The following TNKS variants were observed in gnomAD, a reference collection of about 807,000 sequenced individuals.
TNKS encodes the protein poly [ADP-ribose] polymerase tankyrase-1.
In TNKS, 72 loss-of-function variants were observed where a neutral mutation model predicts 135.8. The ratio of observed to expected loss-of-function variants is 0.53; its 90% confidence interval spans 0.44 to 0.64. The LOEUF is 0.64. TNKS is among the 30% of genes least tolerant of loss of function. The probability of loss-of-function intolerance (pLI) is 0.00; values close to 1 mark genes in which losing one functional copy is unlikely to be tolerated. For missense variants in TNKS, 1,769 were observed against 1,674.0 expected (o/e 1.06, Z -0.99); for synonymous variants, 849 against 649.3 (o/e 1.31, Z -4.68).
chr8:9,565,172 T>A (rs561048942), intron 1 of TNKS, among the ~76,000 whole-genome samples: 9 of 152,218 alleles, frequency 5.9e-5, no homozygotes, highest in Admixed American at 1.3e-4. Flanking sequence ...TTTGCCAGTT[T>A]GTTCAGGTAT....
At chr8:9,665,806 C>G (rs904792568) in intron 3 of TNKS, among the ~76,000 whole-genome samples, 2 of 152,138 alleles carry the variant, frequency 1.3e-5, no homozygotes, top group African/African-American at 4.8e-5. Context: ...TGCACCTTTA[C>G]AAGCCCTAGA....
chr8:9,645,962 C>G (rs768623840), intron 3 of TNKS, among the ~76,000 whole-genome samples: 2 of 152,172 alleles, frequency 1.3e-5, no homozygotes, highest in Admixed American at 6.5e-5. Context: ...CGTTTACTTA[C>G]TATTTCTCCA....
At chr8:9,578,199 C>G (rs1468353971) in intron 1 of TNKS, among the ~76,000 whole-genome samples, 1 of 152,192 alleles carries the variant, frequency 6.6e-6, no homozygotes, top group Non-Finnish European at 1.5e-5. Context: ...AGTTTGCACT[C>G]AGGCTTTATT....
chr8:9,603,330 C>G (rs750490432), intron 2 of TNKS, among the ~76,000 whole-genome samples: 2 of 138,970 alleles, frequency 1.4e-5, no homozygotes, highest in South Asian at 4.6e-4. Flanking sequence ...GCTGGGATTA[C>G]AGGCATGAGC....
intron 3 of TNKS, among the ~76,000 whole-genome samples, chr8:9,649,925 T>C (rs1427280768): frequency 8.1e-6 from 1 of 123,894 alleles, no homozygotes; most frequent in African/African-American, 3.1e-5. Flanking sequence ...AGCCTCACTC[T>C]GTTGTCCAGG....
At chr8:9,754,175 C>T (rs1806709378) in intron 20 of TNKS, among the ~76,000 whole-genome samples, 1 of 152,180 alleles carries the variant, frequency 6.6e-6, no homozygotes, top group African/African-American at 2.4e-5. Context: ...GTGACATTCA[C>T]AGGTTCTGGG....
At chr8:9,714,668 G>C (rs1804514098) in intron 11 of TNKS, among the ~76,000 whole-genome samples, 1 of 152,144 alleles carries the variant, frequency 6.6e-6, no homozygotes, top group South Asian at 2.1e-4. Context: ...TAGTAATGAA[G>C]AAGGAAGAGG....
intron 3 of TNKS, among the ~76,000 whole-genome samples, chr8:9,671,743 T>C (rs954435875): frequency 6.6e-6 from 1 of 152,210 alleles, no homozygotes; most frequent in Non-Finnish European, 1.5e-5. Flanking sequence ...TTTAACTATA[T>C]GTAAATTATA....
intron 20 of TNKS, among the ~76,000 whole-genome samples, chr8:9,757,898 G>A (rs1475597292): frequency 6.6e-6 from 1 of 152,164 alleles, no homozygotes; most frequent in Non-Finnish European, 1.5e-5. Context: ...GAATTTCTTA[G>A]CTTTTCATTG....
In TNKS at chr8:9,766,261, T is replaced by C. The variant is rs1348954544; in HGVS notation, c.3576T>C (p.Ile1192=). ...TAGGTTCTCCTTTCATTAATGCCATTATTCATAAAGGGTTTGATGAGCGAC... is the reference window on the plus strand; with the variant it reads ...TAGGTTCTCCTTTCATTAATGCCATCATTCATAAAGGGTTTGATGAGCGAC... ...LFHGSPFINA[I]IHKGFDERHA... Residue 1192 remains isoleucine (I), a synonymous_variant, in exon 25 of 27, where the codon ATT becomes ATC. Transcript: ENST00000310430. The C allele has an allele frequency of 1.2e-6, 2 of 1,608,236 alleles. No individual in the cohort carries two copies. The highest frequency in any genetic ancestry group is 1.3e-5 in the African/African-American group (1 of 74,696).
At chr8:9,692,530 C>T (rs537885287) in intron 5 of TNKS, among the ~76,000 whole-genome samples, 4 of 152,276 alleles carry the variant, frequency 2.6e-5, no homozygotes, top group East Asian at 1.9e-4. Flanking sequence ...CTATATCTGT[C>T]GTTAGATGCG....
chr8:9,687,541 A>G (rs1307351327), intron 5 of TNKS, among the ~76,000 whole-genome samples: 1 of 152,224 alleles, frequency 6.6e-6, no homozygotes, highest in Non-Finnish European at 1.5e-5. Flanking sequence ...TTTGTCAAGC[A>G]TGACATTTCT....
chr8:9,641,710 C>G (rs1800738328), intron 3 of TNKS, among the ~76,000 whole-genome samples: 1 of 144,400 alleles, frequency 6.9e-6, no homozygotes, highest in South Asian at 2.2e-4. Flanking sequence ...CTTTGCAACT[C>G]AATAATAATG....
At chr8:9,579,358 G>A (rs972955269) in intron 1 of TNKS, among the ~76,000 whole-genome samples, 3 of 152,202 alleles carry the variant, frequency 2.0e-5, no homozygotes, top group African/African-American at 4.8e-5. Context: ...TTGACCAAGC[G>A]TTCACCATGT....
chr8:9,673,724 T>C (rs944938676), intron 3 of TNKS, among the ~76,000 whole-genome samples: 2 of 152,142 alleles, frequency 1.3e-5, no homozygotes, highest in African/African-American at 2.4e-5. Context: ...ATTACAGGTG[T>C]GAGCCACCGC....
chr8:9,695,912 C>T (rs183986306), intron 5 of TNKS, among the ~76,000 whole-genome samples: 125 of 152,256 alleles, frequency 8.2e-4, no homozygotes, highest in African/African-American at 2.8e-3. Flanking sequence ...AGAAATTCTG[C>T]AGCATATGTT....
At chr8:9,605,302 T>A (rs1052170021) in intron 2 of TNKS, among the ~76,000 whole-genome samples, 2 of 152,112 alleles carry the variant, frequency 1.3e-5, no homozygotes, top group African/African-American at 4.8e-5. Flanking sequence ...TTTGAAGTTT[T>A]GGAGATTTCA....
intron 1 of TNKS, among the ~76,000 whole-genome samples, chr8:9,565,703 C>A (rs1174368585): frequency 6.6e-6 from 1 of 151,738 alleles, no homozygotes; most frequent in Non-Finnish European, 1.5e-5. Flanking sequence ...TACACACACA[C>A]AAAATTAGCC....
intron 22 of TNKS, 152 bp downstream of exon 22, chr8:9,763,396 A>AAAT (rs1196885771): frequency 2.4e-6 from 1 of 419,576 alleles, no homozygotes; most frequent in African/African-American, 2.0e-5. Flanking sequence ...GCCAAAATTA[A>AAAT]AATATGACGG....
Sources: gnomAD v4.1 joint callset for allele counts (sites outside exome capture counted in the v4.1 genomes callset) on GRCh38, gnomAD v4.1.1 for gene constraint, MANE v1.5 for transcripts, NCBI Gene and HGNC (gene_info 2026-07-23, HGNC 2026-07-21) for gene names.